Variants in SORCS2 observed in about 807,000 individuals in gnomAD.
SORCS2 encodes sortilin related VPS10 domain containing receptor 2.
Under a neutral mutation model 141.6 loss-of-function variants are expected in SORCS2, and 100 were observed. The observed-to-expected ratio is 0.71, with a 90% CI of 0.60 to 0.83. SORCS2 has a LOEUF of 0.83. SORCS2 is among the 40% of genes least tolerant of loss of function. The pLI, the probability that SORCS2 is intolerant of heterozygous loss-of-function variation, is 0.00. For synonymous variants in SORCS2, 789 were observed against 676.9 expected (o/e 1.17, Z -2.57); for missense variants, 1,646 against 1,560.2 (o/e 1.05, Z -0.93).
intron 2 of SORCS2, among the ~76,000 whole-genome samples, chr4:7,472,190 C>G (rs1279186304): frequency 3.3e-5 from 5 of 152,034 alleles, no homozygotes; most frequent in Admixed American, 6.5e-5. Flanking sequence ...GGGCCTCAGA[C>G]CCAAAGAGCA....
chr4:7,259,664 G>T (rs145145121), intron 1 of SORCS2, among the ~76,000 whole-genome samples: 9 of 152,280 alleles, frequency 5.9e-5, no homozygotes, highest in African/African-American at 1.2e-4. Context: ...GCCCTACCTT[G>T]GCTGTGCCCG....
At chr4:7,456,158 G>A (rs7356439) in intron 2 of SORCS2, among the ~76,000 whole-genome samples, 17,271 of 152,062 alleles carry the variant, frequency 0.11, 1,479 homozygotes, top group African/African-American at 0.24. Flanking sequence ...GTTGGACTAG[G>A]GGGCCACCCA....
rs1724404376 is a variant in SORCS2 at position 7,399,104 on chromosome 4, G to A, written c.548+2749G>A. Among the ~76,000 whole-genome samples the A allele has an allele frequency of 3.9e-5, 6 of 152,154 alleles. No homozygotes were observed. The South Asian group carries it at 1.2e-3, about 31-fold the overall frequency. On this transcript the variant is annotated intron_variant, in intron 2 of 26. Coordinates refer to ENST00000507866, the MANE Select transcript of SORCS2 (RefSeq NM_020777.3). ...TCCTAGTAAGGAGGAACAGTTTTCT[G>A]TTTTAATTACTACTCACATTTTCTC... is the stretch of plus-strand genomic sequence containing the variant.
At chr4:7,637,388 A>C (rs1720331313) in intron 3 of SORCS2, among the ~76,000 whole-genome samples, 1 of 151,240 alleles carries the variant, frequency 6.6e-6, no homozygotes, top group Admixed American at 6.6e-5. Flanking sequence ...CCACCCCGTC[A>C]CTCTCTCCCC....
chr4:7,289,900 C>T (rs959019951), intron 1 of SORCS2, among the ~76,000 whole-genome samples: 2 of 152,162 alleles, frequency 1.3e-5, no homozygotes, highest in African/African-American at 4.8e-5. Context: ...CATTCTGCAT[C>T]GCCATTGTCA....
chr4:7,446,706 A>G (rs1728024878), intron 2 of SORCS2, among the ~76,000 whole-genome samples: 1 of 152,172 alleles, frequency 6.6e-6, no homozygotes, highest in South Asian at 2.1e-4. Flanking sequence ...TTCCTGGCAT[A>G]CAAGGGGGTG....
chr4:7,523,387 A>G (rs191092231), intron 2 of SORCS2, among the ~76,000 whole-genome samples: 1 of 152,312 alleles, frequency 6.6e-6, no homozygotes, highest in East Asian at 1.9e-4. Flanking sequence ...TCTGGCACCC[A>G]GAGCACCTCC....
intron 10 of SORCS2, among the ~76,000 whole-genome samples, chr4:7,686,860 C>T (rs1723912386): frequency 6.6e-6 from 1 of 152,196 alleles, no homozygotes; most frequent in South Asian, 2.1e-4. Flanking sequence ...GGCCGCAAGG[C>T]GAATGCAAAA....
chr4:7,311,440 G>A lies in SORCS2; in HGVS notation c.481-84848G>A, dbSNP rs562441756. ...TTCTCTCGGGTAAATATCTGGGAGT[G>A]GAATGGCTGAATCATCTCCGGGATA... On this transcript the variant is annotated intron_variant, in intron 1 of 26. Transcript: ENST00000507866. Among the ~76,000 whole-genome samples, 7 of 152,260 alleles carry A rather than the reference G, an allele frequency of 4.6e-5. No homozygotes were observed. The East Asian group carries it at 5.8e-4, about 13-fold the overall frequency.
chr4:7,355,104 T>C (rs897949200), intron 1 of SORCS2, among the ~76,000 whole-genome samples: 1 of 152,174 alleles, frequency 6.6e-6, no homozygotes, highest in Non-Finnish European at 1.5e-5. Context: ...TTCATTTGTT[T>C]GCATAATTCT....
At position 7,389,704 on chromosome 4, in the gene SORCS2, G is replaced by T. The variant is rs965561029; in HGVS notation, c.481-6584G>T. On this transcript the variant is annotated intron_variant, in intron 1 of 26. Transcript: ENST00000507866. Reference sequence around the variant, plus strand: ...AGGTGGTGGCCTTGAGAATGAGCAGGAGGGAGGCAGTGGAGAAGTGAGAAA... The same window carrying T: ...AGGTGGTGGCCTTGAGAATGAGCAGTAGGGAGGCAGTGGAGAAGTGAGAAA... Among the ~76,000 whole-genome samples the T allele has an allele frequency of 3.3e-5, 5 of 152,304 alleles. No homozygotes were observed. In the East Asian group the frequency reaches 9.7e-4, roughly 29 times the overall value.
intron 1 of SORCS2, among the ~76,000 whole-genome samples, chr4:7,368,496 C>T (rs1226641662): frequency 6.6e-6 from 1 of 152,174 alleles, no homozygotes; most frequent in African/African-American, 2.4e-5. Flanking sequence ...ACTGGGTCCC[C>T]CCAGCAGCCA....
intron 1 of SORCS2, among the ~76,000 whole-genome samples, chr4:7,383,325 G>A (rs977151494): frequency 6.6e-6 from 1 of 152,192 alleles, no homozygotes. Context: ...TTCAGAGGCT[G>A]CTGTGCCCAA....
chr4:7,481,595 G>A (rs932920669), intron 2 of SORCS2, among the ~76,000 whole-genome samples: 37 of 152,154 alleles, frequency 2.4e-4, no homozygotes, highest in African/African-American at 8.5e-4. Context: ...GAGCCAGAGA[G>A]GAGTCTGCTG....
At chr4:7,259,972 C>A (rs986962772) in intron 1 of SORCS2, among the ~76,000 whole-genome samples, 4 of 152,232 alleles carry the variant, frequency 2.6e-5, no homozygotes, top group Non-Finnish European at 4.4e-5. Context: ...CAGGCAGGGG[C>A]TGAGGGTGAT....
chr4:7,676,837 C>CTCTCTCTCTCT (rs1723174458), intron 9 of SORCS2, among the ~76,000 whole-genome samples: 1 of 134,128 alleles, frequency 7.5e-6, no homozygotes, highest in African/African-American at 2.7e-5. Context: ...CTCCCTCTCT[C>CTCTCTCTCTCT]CACCCCAGCC....
chr4:7,740,540 C>T lies in SORCS2; in HGVS notation c.*276C>T, dbSNP rs942883147. The T allele has an allele frequency of 5.3e-5, 27 of 508,410 alleles. No homozygotes were observed. Among genetic ancestry groups the T allele is most frequent in the East Asian group, 4.0e-4 (12 of 30,336 alleles). 31.5% of individuals were successfully genotyped at this position (508,410 alleles called of 1,614,324 possible). A position where few individuals can be genotyped will look rare whatever the true frequency, so the allele number is the denominator to read the frequency against. ...CTGCCCCCCAGACCCCACACACGGC[C>T]GCCCCACGTGCTGTCGCTCAGCCCG... On this transcript the variant is annotated 3_prime_UTR_variant, in exon 27 of 27. Coordinates refer to ENST00000507866, the MANE Select transcript of SORCS2 (RefSeq NM_020777.3).
chr4:7,587,057 G>A (rs1430329668), intron 3 of SORCS2, among the ~76,000 whole-genome samples: 4 of 152,032 alleles, frequency 2.6e-5, no homozygotes, highest in Non-Finnish European at 1.5e-5. Flanking sequence ...GATCGGAGAT[G>A]GGCGGGGCTG....
chr4:7,576,757 A>G (rs903178179), intron 3 of SORCS2, among the ~76,000 whole-genome samples: 1 of 152,180 alleles, frequency 6.6e-6, no homozygotes, highest in Non-Finnish European at 1.5e-5. Context: ...AGAGTCTGTC[A>G]TAGACAGCAA....
Sources: allele counts gnomAD v4.1 joint callset (sites outside exome capture counted in the v4.1 genomes callset), GRCh38; gene constraint gnomAD v4.1.1; transcripts MANE v1.5; gene names NCBI Gene and HGNC (gene_info 2026-07-23, HGNC 2026-07-21).